The following MYO3A variants were observed in gnomAD, a reference collection of about 807,000 sequenced individuals.
MYO3A encodes the protein myosin-IIIa.
MYO3A carries 180 observed loss-of-function variants against 192.7 expected under a neutral mutation model. The ratio of observed to expected loss-of-function variants is 0.93; its 90% confidence interval spans 0.83 to 1.06. The LOEUF is 1.06. MYO3A is among the 50% of genes least tolerant of loss of function. The probability of loss-of-function intolerance (pLI) is 0.00; values close to 1 mark genes in which losing one functional copy is unlikely to be tolerated. For synonymous variants in MYO3A, 628 were observed against 645.3 expected (o/e 0.97, Z 0.41); for missense variants, 1,896 against 1,905.0 (o/e 1.00, Z 0.09).
chr10:26,155,073 A>G (rs1237126730), intron 25 of MYO3A, among the ~76,000 whole-genome samples: 7 of 152,232 alleles, frequency 4.6e-5, no homozygotes, highest in Non-Finnish European at 1.0e-4. Flanking sequence ...ATTTGTCCAT[A>G]GAACAGAATG....
chr10:26,152,861 A>T (rs142061132), intron 23 of MYO3A, among the ~76,000 whole-genome samples: 1 of 152,234 alleles, frequency 6.6e-6, no homozygotes, highest in Non-Finnish European at 1.5e-5. Context: ...GATGGAGGGG[A>T]GGAAGCAGAG....
At chr10:26,128,332 C>T (rs924729383) in intron 19 of MYO3A, 59 bp from the exon 20 acceptor site, 1 of 1,548,434 alleles carries the variant, frequency 6.5e-7, no homozygotes, top group African/African-American at 1.4e-5. Context: ...CTAAGATTCC[C>T]TGTTTTACAT....
chr10:26,156,066 C>T (rs558681811), intron 25 of MYO3A, among the ~76,000 whole-genome samples: 1 of 152,288 alleles, frequency 6.6e-6, no homozygotes, highest in South Asian at 2.1e-4. Context: ...GCCTAAATTG[C>T]AGGAAGGTCC....
At chr10:26,069,239 G>A (rs1205237932) in intron 12 of MYO3A, among the ~76,000 whole-genome samples, 4 of 151,894 alleles carry the variant, frequency 2.6e-5, no homozygotes, top group South Asian at 2.1e-4. Context: ...GTATGGGAGC[G>A]TCAAAAGTAT....
chr10:25,983,243 CAAAG>C (rs1839439149), intron 4 of MYO3A, among the ~76,000 whole-genome samples: 2 of 149,898 alleles, frequency 1.3e-5, no homozygotes, highest in South Asian at 4.2e-4. Context: ...TAATCAAAGA[CAAAG>C]AAAAATGATT....
At chr10:25,971,879 G>T (rs1838669542) in intron 4 of MYO3A, among the ~76,000 whole-genome samples, 2 of 152,222 alleles carry the variant, frequency 1.3e-5, no homozygotes, top group South Asian at 4.1e-4. Context: ...GTCTCACTCT[G>T]TCACCCAGGC....
In MYO3A at chr10:26,166,168, G is replaced by A; in HGVS notation, c.3101G>A (p.Gly1034Glu). ...EKAGLDNWAL[G>E]KTKVFLKYYH... Reference sequence around the variant, plus strand: ...GCTGGTCTCGATAACTGGGCTCTTGGAAAAACAAAAGTAATGTTTTCATGT... The same window carrying A: ...GCTGGTCTCGATAACTGGGCTCTTGAAAAAACAAAAGTAATGTTTTCATGT... The change falls in exon 27 of 35, where the codon GGA (glycine) becomes GAA (glutamate). Residue 1034 changes from glycine to glutamate, a missense_variant. Coordinates refer to ENST00000642920, the MANE Select transcript of MYO3A (RefSeq NM_017433.5). 1 of 1,611,288 alleles carries A rather than the reference G, an allele frequency of 6.2e-7. No homozygotes were observed. Among genetic ancestry groups the A allele is most frequent in the Non-Finnish European group, 8.5e-7 (1 of 1,177,724 alleles).
rs1836258347 is a variant in MYO3A at position 26,085,623 on chromosome 10, C to T, written c.1360-2580C>T. 7.2e-5 allele frequency among the ~76,000 whole-genome samples: 11 copies of T among 152,180 alleles called. No homozygotes were observed. The South Asian group carries it at 2.3e-3, about 31-fold the overall frequency. On this transcript the variant is annotated intron_variant, in intron 14 of 34. Coordinates refer to ENST00000642920, the MANE Select transcript of MYO3A (RefSeq NM_017433.5). ...GCTCAGGGTGCAAGGTGCCACCTCA[C>T]CTGAGATGTGTGGTGGCAGCAACTA...
At chr10:25,967,125 G>T (rs1302296441) in intron 4 of MYO3A, among the ~76,000 whole-genome samples, 2 of 151,882 alleles carry the variant, frequency 1.3e-5, no homozygotes, top group African/African-American at 4.8e-5. Context: ...GCAGAAAAAA[G>T]CTCTGAAAAT....
chr10:26,023,991 C>G, intron 8 of MYO3A, 31 bp from the exon 9 acceptor site: 1 of 1,583,106 alleles, frequency 6.3e-7, no homozygotes, highest in East Asian at 2.2e-5. Flanking sequence ...GACCAATATA[C>G]AGAATCCAAC....
chr10:26,176,636 C>G (rs1011896502), intron 30 of MYO3A, 65 bp from the exon 31 acceptor site: 3 of 1,473,734 alleles, frequency 2.0e-6, no homozygotes, highest in South Asian at 1.2e-5. Flanking sequence ...TCCCAGCCCC[C>G]GGTGCCTGCA....
chr10:26,187,954 G>A (rs1325034745), intron 31 of MYO3A, among the ~76,000 whole-genome samples: 11 of 152,084 alleles, frequency 7.2e-5, no homozygotes, highest in Non-Finnish European at 1.3e-4. Context: ...ATAAACATAT[G>A]TGTGCATGTG....
At chr10:26,174,582 A>G (rs1842223179) in intron 30 of MYO3A, 25 bp downstream of exon 30, 1 of 1,583,018 alleles carries the variant, frequency 6.3e-7, no homozygotes, top group Non-Finnish European at 8.7e-7. Flanking sequence ...AAATTTATTT[A>G]CTAATAAAAG....
At chr10:26,168,897 A>G (rs775611856) in intron 28 of MYO3A, 23 bp downstream of exon 28, 1 of 1,593,698 alleles carries the variant, frequency 6.3e-7, no homozygotes, top group South Asian at 1.1e-5. Context: ...ACATATTTAG[A>G]TATGGTCATA....
chr10:26,126,585 G>A (rs1197158269), intron 19 of MYO3A, among the ~76,000 whole-genome samples: 2 of 152,040 alleles, frequency 1.3e-5, no homozygotes, highest in Non-Finnish European at 2.9e-5. Context: ...ATGGTTGTAT[G>A]TTCTGGTACG....
intron 10 of MYO3A, among the ~76,000 whole-genome samples, chr10:26,059,928 C>T (rs974373757): frequency 1.5e-4 from 23 of 152,198 alleles, no homozygotes; most frequent in African/African-American, 4.1e-4. Flanking sequence ...TTGAGACCAG[C>T]CTGGCCAAAG....
At chr10:26,038,027 C>T (rs531599445) in intron 10 of MYO3A, among the ~76,000 whole-genome samples, 12 of 152,234 alleles carry the variant, frequency 7.9e-5, no homozygotes, top group Non-Finnish European at 1.2e-4. Flanking sequence ...ATGGACTTAT[C>T]GCTGGGTTCT....
At chr10:26,081,131 CT>C (rs1167471161) in intron 14 of MYO3A, among the ~76,000 whole-genome samples, 76 of 79,840 alleles carry the variant, frequency 9.5e-4, no homozygotes, top group East Asian at 6.7e-4. Flanking sequence ...ATTATATGCC[CT>C]TCCCCCCCCC....
intron 23 of MYO3A, among the ~76,000 whole-genome samples, chr10:26,151,979 A>G (rs1171387971): frequency 6.6e-6 from 1 of 152,236 alleles, no homozygotes; most frequent in African/African-American, 2.4e-5. Flanking sequence ...ACCCAGAAGC[A>G]AAAGTCATTA....
Sources: gnomAD v4.1 joint callset for allele counts (sites outside exome capture counted in the v4.1 genomes callset) on GRCh38, gnomAD v4.1.1 for gene constraint, MANE v1.5 for transcripts, NCBI Gene and HGNC (gene_info 2026-07-23, HGNC 2026-07-21) for gene names.